The following SLC26A7 variants were observed in gnomAD, a reference collection of about 807,000 sequenced individuals.
SLC26A7 encodes the protein anion exchange transporter.
A neutral mutation model predicts 82.5 loss-of-function variants in SLC26A7; 59 were observed. The observed-to-expected ratio is 0.72, with a 90% CI of 0.58 to 0.89. The LOEUF is 0.89. Among genes scored for constraint, SLC26A7 ranks in the 40% least tolerant of loss-of-function variants. The probability of loss-of-function intolerance (pLI) is 0.00; values close to 1 mark genes in which losing one functional copy is unlikely to be tolerated. For synonymous variants in SLC26A7, 271 were observed against 274.3 expected (o/e 0.99, Z 0.12); for missense variants, 820 against 793.0 (o/e 1.03, Z -0.41).
intron 1 of SLC26A7, among the ~76,000 whole-genome samples, chr8:91,216,847 T>G (rs1810056878): frequency 1.3e-5 from 2 of 152,144 alleles, no homozygotes; most frequent in Non-Finnish European, 1.5e-5. Context: ...TGATTTAACA[T>G]TTTATGGTCT....
At chr8:91,390,380 G>A (rs915043126) in intron 16 of SLC26A7, among the ~76,000 whole-genome samples, 3 of 152,152 alleles carry the variant, frequency 2.0e-5, no homozygotes, top group Non-Finnish European at 2.9e-5. Context: ...GCCTCCCAAA[G>A]TGCTGGGATT....
At chr8:91,334,926 A>C (rs910663205) in intron 6 of SLC26A7, among the ~76,000 whole-genome samples, 11 of 152,068 alleles carry the variant, frequency 7.2e-5, no homozygotes, top group African/African-American at 2.7e-4. Flanking sequence ...GATGCTCATG[A>C]TTTTCATTGG....
At chr8:91,366,818 TC>T in intron 14 of SLC26A7, 101 bp downstream of exon 14, 2 of 1,307,862 alleles carry the variant, frequency 1.5e-6, no homozygotes, top group South Asian at 3.1e-5. Context: ...CACGAGTATT[TC>T]GAGACCTCTC....
At chr8:91,339,264 C>T (rs574250684) in intron 7 of SLC26A7, among the ~76,000 whole-genome samples, 42 of 151,970 alleles carry the variant, frequency 2.8e-4, no homozygotes, top group African/African-American at 9.7e-4. Context: ...TAATGGTAAA[C>T]TTAAGGAGGT....
intron 2 of SLC26A7, among the ~76,000 whole-genome samples, chr8:91,243,485 C>T (rs1292684073): frequency 6.6e-6 from 1 of 152,088 alleles, no homozygotes; most frequent in Non-Finnish European, 1.5e-5. Flanking sequence ...GGCTGGCAGT[C>T]TTCATAGGCT....
chr8:91,376,430 G>A (rs181504542), intron 15 of SLC26A7, among the ~76,000 whole-genome samples: 141 of 152,252 alleles, frequency 9.3e-4, no homozygotes, highest in Non-Finnish European at 1.5e-3. Flanking sequence ...ATACTGCAGT[G>A]TATGTGTTTT....
intron 2 of SLC26A7, among the ~76,000 whole-genome samples, chr8:91,271,567 G>T (rs1401926727): frequency 6.6e-6 from 1 of 150,848 alleles, no homozygotes; most frequent in African/African-American, 2.4e-5. Flanking sequence ...CTGCTTCCAG[G>T]CTCGGGGGTG....
chr8:91,381,873 G>T (rs1814679696), intron 15 of SLC26A7, among the ~76,000 whole-genome samples: 2 of 151,940 alleles, frequency 1.3e-5, no homozygotes, highest in Non-Finnish European at 2.9e-5. Flanking sequence ...CTGTAACTTT[G>T]TTTCATTACC....
chr8:91,235,970 A>G (rs1406983665), intron 2 of SLC26A7, among the ~76,000 whole-genome samples: 1 of 152,146 alleles, frequency 6.6e-6, no homozygotes, highest in Non-Finnish European at 1.5e-5. Flanking sequence ...AAGCTGCCCT[A>G]TTCATTACTT....
intron 2 of SLC26A7, among the ~76,000 whole-genome samples, chr8:91,280,888 T>C (rs1281784583): frequency 6.6e-6 from 1 of 152,216 alleles, no homozygotes; most frequent in Non-Finnish European, 1.5e-5. Context: ...CACCTGTTTA[T>C]ATATGATGAG....
At chr8:91,234,827 A>ACTTCCTTCCTTCCTTCCTTCCTTCCTTC (rs1315137017) in intron 2 of SLC26A7, among the ~76,000 whole-genome samples, 19 of 92,542 alleles carry the variant, frequency 2.1e-4, no homozygotes, top group African/African-American at 7.6e-4. Context: ...CTACCTACCT[A>ACTTCCTTCCTTCCTTCCTTCCTTCCTTC]CTTCCTTCCT....
At chr8:91,240,052 G>A (rs59911857) in intron 2 of SLC26A7, among the ~76,000 whole-genome samples, 1 of 152,064 alleles carries the variant, frequency 6.6e-6, no homozygotes, top group African/African-American at 2.4e-5. Flanking sequence ...CATTGTCCTT[G>A]GTACTCTACT....
chr8:91,381,400 C>T (rs1814667237), intron 15 of SLC26A7, among the ~76,000 whole-genome samples: 1 of 152,124 alleles, frequency 6.6e-6, no homozygotes, highest in Non-Finnish European at 1.5e-5. Flanking sequence ...AACATGGATG[C>T]ATCTCAGATG....
At chr8:91,362,508 A>G (rs765710891) in intron 12 of SLC26A7, 49 bp downstream of exon 12, 2 of 1,410,752 alleles carry the variant, frequency 1.4e-6, no homozygotes, top group South Asian at 2.4e-5. Flanking sequence ...GCAGCAAAAT[A>G]CATGGTTACT....
chr8:91,328,439 AAAC>A (rs1342763502), intron 5 of SLC26A7, among the ~76,000 whole-genome samples: 2 of 152,160 alleles, frequency 1.3e-5, no homozygotes, highest in Non-Finnish European at 2.9e-5. Context: ...TAACCTCAAT[AAAC>A]AAGTTGAATA....
intron 15 of SLC26A7, among the ~76,000 whole-genome samples, chr8:91,377,229 A>G (rs1814543042): frequency 1.3e-5 from 2 of 152,144 alleles, no homozygotes; most frequent in Non-Finnish European, 2.9e-5. Flanking sequence ...ACCTCTTCTG[A>G]GTCTGCAATA....
chr8:91,297,261 G>A (rs968665651), intron 4 of SLC26A7, among the ~76,000 whole-genome samples: 5 of 151,662 alleles, frequency 3.3e-5, no homozygotes, highest in South Asian at 2.1e-4. Context: ...CATAATTAGC[G>A]GTAAGACCTG....
At chr8:91,221,247 T>C (rs1415151156) in intron 2 of SLC26A7, among the ~76,000 whole-genome samples, 1 of 152,212 alleles carries the variant, frequency 6.6e-6, no homozygotes, top group Non-Finnish European at 1.5e-5. Flanking sequence ...TTGTTTAAGT[T>C]CCTTGTAAAT....
At chr8:91,262,782 A>G (rs1586335531) in intron 2 of SLC26A7, among the ~76,000 whole-genome samples, 1 of 152,052 alleles carries the variant, frequency 6.6e-6, no homozygotes, top group African/African-American at 2.4e-5. Context: ...TCTATTAAAA[A>G]TTTGTGGACT....
Sources: allele counts gnomAD v4.1 joint callset (sites outside exome capture counted in the v4.1 genomes callset), GRCh38; gene constraint gnomAD v4.1.1; transcripts MANE v1.5; gene names NCBI Gene and HGNC (gene_info 2026-07-23, HGNC 2026-07-21).